Variants in AMPH observed in about 807,000 individuals in gnomAD.
The protein encoded by AMPH is amphiphysin.
Under a neutral mutation model 99.1 loss-of-function variants are expected in AMPH, and 49 were observed. The ratio of observed to expected loss-of-function variants is 0.49; its 90% confidence interval spans 0.39 to 0.63. The LOEUF (loss-of-function observed/expected upper bound fraction) is 0.63, where lower values mean the gene tolerates loss of function less well. AMPH is among the 20% of genes least tolerant of loss of function. The probability of loss-of-function intolerance (pLI) is 0.00; values close to 1 mark genes in which losing one functional copy is unlikely to be tolerated. For missense variants in AMPH, 759 were observed against 863.4 expected (o/e 0.88, Z 1.52); for synonymous variants, 314 against 317.3 (o/e 0.99, Z 0.11).
At chr7:38,450,030 G>C (rs553827641) in intron 11 of AMPH, among the ~76,000 whole-genome samples, 64 of 152,294 alleles carry the variant, frequency 4.2e-4, no homozygotes, top group African/African-American at 1.5e-3. Flanking sequence ...GCAGTATTAG[G>C]CTGGAAAACA....
chr7:38,493,302 G>T (rs117190940), intron 4 of AMPH, among the ~76,000 whole-genome samples: 1 of 152,270 alleles, frequency 6.6e-6, no homozygotes, highest in East Asian at 1.9e-4. Flanking sequence ...TAGAGGACAT[G>T]ACAAACAACT....
At chr7:38,598,426 C>T (rs1411401269) in intron 1 of AMPH, among the ~76,000 whole-genome samples, 1 of 152,166 alleles carries the variant, frequency 6.6e-6, no homozygotes, top group Admixed American at 6.5e-5. Flanking sequence ...CCTCAGCCTC[C>T]CAAGTAGCTG....
chr7:38,462,594 C>T (rs530441047), intron 10 of AMPH, among the ~76,000 whole-genome samples: 5 of 152,270 alleles, frequency 3.3e-5, no homozygotes, highest in South Asian at 2.1e-4. Context: ...TAAACATAAC[C>T]GCTTTTCTTG....
intron 1 of AMPH, among the ~76,000 whole-genome samples, chr7:38,584,605 C>G (rs1017459299): frequency 6.6e-6 from 1 of 152,206 alleles, no homozygotes; most frequent in Non-Finnish European, 1.5e-5. Flanking sequence ...TGGTAGGTCA[C>G]TCTTGGCATA....
chr7:38,387,493 G>A (rs1274798092), intron 20 of AMPH, among the ~76,000 whole-genome samples: 1 of 152,090 alleles, frequency 6.6e-6, no homozygotes, highest in Non-Finnish European at 1.5e-5. Flanking sequence ...TATCTGAGAT[G>A]AAAAAGTCAC....
chr7:38,430,057 G>A, intron 13 of AMPH, 192 bp from the exon 14 acceptor site: 1 of 533,774 alleles, frequency 1.9e-6, no homozygotes, highest in Non-Finnish European at 3.2e-6. Flanking sequence ...CCATAGAAAA[G>A]GCACAAATGA....
chr7:38,525,271 TATATATAGAGAGAGAGAGAGAG>T (rs1297065851), intron 2 of AMPH, among the ~76,000 whole-genome samples: 2 of 71,338 alleles, frequency 2.8e-5, no homozygotes, highest in African/African-American at 6.0e-5. Flanking sequence ...TATATATATA[TATATATAGAGAGAGAGAGAGAG>T]AGAGAGAGAG....
At chr7:38,561,937 GTGT>G (rs1791564295) in intron 1 of AMPH, among the ~76,000 whole-genome samples, 1 of 147,944 alleles carries the variant, frequency 6.8e-6, no homozygotes, top group Admixed American at 6.8e-5. Flanking sequence ...AAAAAAAAAA[GTGT>G]TGTTACTTAA....
chr7:38,458,956 T>G (rs1021948196), intron 11 of AMPH, among the ~76,000 whole-genome samples: 1 of 152,040 alleles, frequency 6.6e-6, no homozygotes, highest in Non-Finnish European at 1.5e-5. Context: ...TATGACCTTA[T>G]AGCTAGAAAA....
intron 19 of AMPH, 43 bp from the exon 20 acceptor site, chr7:38,389,948 A>G (rs1784443565): frequency 1.1e-5 from 16 of 1,454,038 alleles, no homozygotes; most frequent in Admixed American, 1.7e-5. Flanking sequence ...TCCCAGCCAG[A>G]TTTCAAGCAG....
chr7:38,577,074 T>C (rs1466363703), intron 1 of AMPH, among the ~76,000 whole-genome samples: 1 of 152,234 alleles, frequency 6.6e-6, no homozygotes, highest in Admixed American at 6.5e-5. Context: ...ACAAGTCAAC[T>C]GTACCAGTGT....
chr7:38,464,176 A>C, intron 9 of AMPH: 133 of 1,227,392 alleles, frequency 1.1e-4, no homozygotes, highest in Non-Finnish European at 1.3e-4. Context: ...ACTGTATCTC[A>C]TTTGGCAACA....
chr7:38,609,784 C>T (rs1307310119), intron 1 of AMPH, among the ~76,000 whole-genome samples: 1 of 151,912 alleles, frequency 6.6e-6, no homozygotes, highest in African/African-American at 2.4e-5. Flanking sequence ...ATATTACATT[C>T]ACAATTGTAA....
intron 5 of AMPH, among the ~76,000 whole-genome samples, chr7:38,486,159 G>GGT (rs1334767890): frequency 1.4e-5 from 2 of 141,942 alleles, no homozygotes; most frequent in African/African-American, 5.1e-5. Flanking sequence ...GTAACTATGA[G>GGT]TTTTTTTTTT....
chr7:38,416,102 AATATATATAT>A (rs5883648), intron 17 of AMPH, among the ~76,000 whole-genome samples: 7 of 100,486 alleles, frequency 7.0e-5, no homozygotes, highest in Admixed American at 2.3e-4. Context: ...CAAACATATG[AATATATATAT>A]ATATATATAT....
intron 1 of AMPH, among the ~76,000 whole-genome samples, chr7:38,582,044 A>G (rs1305380568): frequency 1.3e-5 from 2 of 152,192 alleles, no homozygotes; most frequent in Non-Finnish European, 1.5e-5. Flanking sequence ...CATGCCTGGT[A>G]TATAAAAACA....
intron 1 of AMPH, among the ~76,000 whole-genome samples, chr7:38,576,133 A>G (rs1342453336): frequency 6.6e-6 from 1 of 152,230 alleles, no homozygotes; most frequent in Admixed American, 6.5e-5. Flanking sequence ...AAAGAACACA[A>G]TTGACAACCA....
At chr7:38,388,064 A>G (rs1386242810) in intron 20 of AMPH, among the ~76,000 whole-genome samples, 1 of 152,178 alleles carries the variant, frequency 6.6e-6, no homozygotes, top group African/African-American at 2.4e-5. Context: ...ACAGAAGCCA[A>G]GAAGATTTGC....
chr7:38,539,301 C>G (rs1385541637), intron 1 of AMPH, among the ~76,000 whole-genome samples: 6 of 152,124 alleles, frequency 3.9e-5, no homozygotes. Flanking sequence ...AAACAGATCA[C>G]AGTAGATTGA....
Sources: allele counts gnomAD v4.1 joint callset (sites outside exome capture counted in the v4.1 genomes callset), GRCh38; gene constraint gnomAD v4.1.1; transcripts MANE v1.5; gene names NCBI Gene and HGNC (gene_info 2026-07-23, HGNC 2026-07-21).